Variants in NXPH1 observed in about 807,000 individuals in gnomAD.
The protein encoded by NXPH1 is neurexophilin-1.
A neutral mutation model predicts 23.7 loss-of-function variants in NXPH1; 5 were observed. The ratio of observed to expected loss-of-function variants is 0.21; its 90% CI spans 0.11 to 0.44. The LOEUF is 0.44. Among genes scored for constraint, NXPH1 ranks in the 20% least tolerant of loss-of-function variants. The probability of loss-of-function intolerance (pLI) is 0.99; values close to 1 mark genes in which losing one functional copy is unlikely to be tolerated. For missense variants in NXPH1, 324 were observed against 321.6 expected (o/e 1.01, Z -0.06); for synonymous variants, 144 against 122.2 (o/e 1.18, Z -1.18).
intron 2 of NXPH1, among the ~76,000 whole-genome samples, chr7:8,731,664 G>A (rs1317415503): frequency 6.6e-6 from 1 of 152,182 alleles, no homozygotes. Flanking sequence ...GGGGTCAGGG[G>A]TCAGGGAACC....
intron 2 of NXPH1, among the ~76,000 whole-genome samples, chr7:8,687,494 A>G (rs12666083): frequency 0.16 from 24,060 of 152,088 alleles, 2,342 homozygotes; most frequent in Middle Eastern, 0.38. Flanking sequence ...ATTTTACCTC[A>G]TTTTTCTAAT....
intron 2 of NXPH1, among the ~76,000 whole-genome samples, chr7:8,625,988 C>G: frequency 1.3e-5 from 2 of 152,030 alleles, no homozygotes; most frequent in Non-Finnish European, 2.9e-5. Context: ...GTCTGTGAAT[C>G]TTTTATCTAA....
chr7:8,751,059 G>A lies in NXPH1; in HGVS notation c.106G>A (p.Gly36Arg), dbSNP rs1240585566. 5 of 1,613,716 alleles carry A rather than the reference G, an allele frequency of 3.1e-6. No individual in the cohort carries two copies. The highest frequency in any genetic ancestry group is 1.7e-5 in the Admixed American group (1 of 59,970). Residue 36 changes from glycine to arginine, a missense_variant, in exon 3 of 3, where the codon GGA becomes AGA. Gly to Arg is a moderately radical substitution (Grantham distance 125, BLOSUM62 -2). Transcript: ENST00000405863. The surrounding 1 kb of genome is among the most constrained non-coding windows in gnomAD (Gnocchi z 4.5). The stretch of plus-strand genomic sequence containing the variant: ...TGGAAAGTCAGAACTTCTGAAATCA[G>A]GAAGCAGCAAATCCACACTAAAGCA... The part of the protein sequence containing the change: ...NGGKSELLKS[G>R]SSKSTLKHIW...
At chr7:8,557,235 G>A (rs1818372482) in intron 2 of NXPH1, among the ~76,000 whole-genome samples, 1 of 151,558 alleles carries the variant, frequency 6.6e-6, no homozygotes, top group Non-Finnish European at 1.5e-5. Flanking sequence ...CCGGGCTTTT[G>A]TTAGTCTTAA....
At chr7:8,659,819 A>G (rs1385602287) in intron 2 of NXPH1, among the ~76,000 whole-genome samples, 3 of 152,222 alleles carry the variant, frequency 2.0e-5, no homozygotes, top group African/African-American at 7.2e-5. Context: ...GTCAACTCAA[A>G]TTATTGTGTA....
At chr7:8,648,860 T>C in intron 2 of NXPH1, among the ~76,000 whole-genome samples, 1 of 141,892 alleles carries the variant, frequency 7.0e-6, no homozygotes, top group African/African-American at 3.1e-5. Flanking sequence ...TTATTGTAGT[T>C]TTTTAAAAAT....
intron 2 of NXPH1, among the ~76,000 whole-genome samples, chr7:8,610,804 T>C (rs1263188248): frequency 2.0e-5 from 3 of 152,090 alleles, no homozygotes; most frequent in Non-Finnish European, 4.4e-5. Context: ...CATAGTACAA[T>C]CAACACACTA....
intron 2 of NXPH1, among the ~76,000 whole-genome samples, chr7:8,540,530 G>A (rs536224499): frequency 1.3e-5 from 2 of 151,808 alleles, no homozygotes; most frequent in South Asian, 4.2e-4. Context: ...AAGCCCAGGG[G>A]ACACCCTAAG....
intron 2 of NXPH1, among the ~76,000 whole-genome samples, chr7:8,662,482 C>G (rs1338019480): frequency 2.6e-5 from 4 of 151,926 alleles, no homozygotes; most frequent in Non-Finnish European, 5.9e-5. Context: ...TGTACTTTGA[C>G]AATTTCAAGC....
At chr7:8,532,617 G>C (rs922942606) in intron 2 of NXPH1, among the ~76,000 whole-genome samples, 1 of 152,042 alleles carries the variant, frequency 6.6e-6, no homozygotes, top group Non-Finnish European at 1.5e-5. Context: ...AAAAATCCAT[G>C]ATCTGAGGTC....
chr7:8,608,940 G>A (rs1819560188), intron 2 of NXPH1, among the ~76,000 whole-genome samples: 1 of 152,092 alleles, frequency 6.6e-6, no homozygotes, highest in African/African-American at 2.4e-5. Context: ...TATACAGTAA[G>A]TCCTCACCTA....
At chr7:8,598,498 A>G (rs760655419) in intron 2 of NXPH1, among the ~76,000 whole-genome samples, 7 of 152,124 alleles carry the variant, frequency 4.6e-5, no homozygotes, top group Admixed American at 2.0e-4. Flanking sequence ...TCCCGCAACT[A>G]GACTCTTCTG....
intron 2 of NXPH1, among the ~76,000 whole-genome samples, chr7:8,648,019 C>T (rs4236410): frequency 0.7 from 106,817 of 151,850 alleles, 38,374 homozygotes; most frequent in East Asian, 1. Flanking sequence ...TTAAAATAAA[C>T]TTTTAATTTT....
intron 2 of NXPH1, among the ~76,000 whole-genome samples, chr7:8,552,304 G>T (rs994482759): frequency 6.0e-5 from 9 of 151,222 alleles, no homozygotes; most frequent in African/African-American, 2.2e-4. Flanking sequence ...AATTATAGAG[G>T]CCTGATGGGA....
At chr7:8,630,667 T>G (rs1031591063) in intron 2 of NXPH1, among the ~76,000 whole-genome samples, 2 of 152,206 alleles carry the variant, frequency 1.3e-5, no homozygotes, top group African/African-American at 4.8e-5. Context: ...TTTTCAGTTC[T>G]CTTGTTGCCT....
At chr7:8,721,639 G>A (rs1380661698) in intron 2 of NXPH1, among the ~76,000 whole-genome samples, 8 of 152,232 alleles carry the variant, frequency 5.3e-5, no homozygotes, top group South Asian at 2.1e-4. Context: ...TTAGCTGGGC[G>A]TGGTGGCGGG....
At chr7:8,673,017 C>T (rs190610826) in intron 2 of NXPH1, among the ~76,000 whole-genome samples, 2 of 152,250 alleles carry the variant, frequency 1.3e-5, no homozygotes, top group East Asian at 3.9e-4. Flanking sequence ...CCATCTAAAA[C>T]ACTGACATAA....
chr7:8,450,654 G>A (rs1816491163), intron 2 of NXPH1, among the ~76,000 whole-genome samples: 1 of 152,238 alleles, frequency 6.6e-6, no homozygotes, highest in Non-Finnish European at 1.5e-5. Flanking sequence ...TTGACCTTGG[G>A]AGAGCTTAGT....
intron 2 of NXPH1, among the ~76,000 whole-genome samples, chr7:8,750,097 G>A (rs147678930): frequency 9.2e-5 from 14 of 152,220 alleles, no homozygotes; most frequent in Admixed American, 3.9e-4. Flanking sequence ...TTAAAGTCAC[G>A]TTCCTAGATC....
Sources: gnomAD v4.1 joint callset for allele counts (sites outside exome capture counted in the v4.1 genomes callset) on GRCh38, gnomAD v4.1.1 for gene constraint, Gnocchi (gnomAD v3.1) non-coding constraint, MANE v1.5 for transcripts, NCBI Gene and HGNC (gene_info 2026-07-23, HGNC 2026-07-21) for gene names.